ATF6: variants seen among roughly 807,000 people sequenced by gnomAD.
The protein encoded by ATF6 is cyclic AMP-dependent transcription factor ATF-6 alpha.
Under a neutral mutation model 83.6 loss-of-function variants are expected in ATF6, and 53 were observed. That is an observed-to-expected ratio of 0.63 (90% CI 0.51 to 0.80). ATF6 has a LOEUF of 0.80. Ranked by LOEUF, ATF6 falls within the 30% of genes least tolerant of loss-of-function variation. The pLI, the probability that ATF6 is intolerant of heterozygous loss-of-function variation, is 0.00. For synonymous variants in ATF6, 288 were observed against 285.8 expected (o/e 1.01, Z -0.08); for missense variants, 744 against 797.9 (o/e 0.93, Z 0.81).
chr1:161,947,606 A>G (rs1358613256), intron 15 of ATF6, among the ~76,000 whole-genome samples: 1 of 152,154 alleles, frequency 6.6e-6, no homozygotes, highest in African/African-American at 2.4e-5. Flanking sequence ...GTCTATGTCC[A>G]TTTTATAATA....
intron 4 of ATF6, 28 bp from the exon 5 acceptor site, chr1:161,791,380 A>G (rs1189415408): frequency 1.3e-6 from 2 of 1,584,680 alleles, no homozygotes; most frequent in Admixed American, 3.7e-5. Flanking sequence ...GATTATACTC[A>G]TTAATTTTTG....
intron 7 of ATF6, among the ~76,000 whole-genome samples, chr1:161,804,700 GCTTA>G (rs1446339499): frequency 6.6e-6 from 1 of 150,800 alleles, no homozygotes; most frequent in Non-Finnish European, 1.5e-5. Flanking sequence ...CTACTTTTAG[GCTTA>G]CTATCTGAAT....
At position 161,962,420 on chromosome 1, in the gene ATF6, A is replaced by G. The variant is rs1323060503; in HGVS notation, c.*3766A>G. ...TGAGACTGCCGTGGTGGCATTTAGC[A>G]TCGTTAAAACTGGAAAACTCTCAAG... On this transcript the variant is annotated 3_prime_UTR_variant, in exon 16 of 16. Coordinates refer to ENST00000367942, the MANE Select transcript of ATF6 (RefSeq NM_007348.4). 1 of 152,204 alleles carries G rather than the reference A, an allele frequency of 6.6e-6. No individual in the cohort carries two copies. The highest frequency in any genetic ancestry group is 1.5e-5 in the Non-Finnish European group (1 of 68,032). 9.4% of individuals were successfully genotyped at this position (152,204 alleles called of 1,614,324 possible).
chr1:161,793,128 G>A (rs1684923750), intron 6 of ATF6, among the ~76,000 whole-genome samples: 1 of 152,192 alleles, frequency 6.6e-6, no homozygotes, highest in Non-Finnish European at 1.5e-5. Context: ...CATTTGTACT[G>A]TATCTCCAAT....
At chr1:161,815,343 C>T (rs939857008) in intron 7 of ATF6, among the ~76,000 whole-genome samples, 1 of 151,596 alleles carries the variant, frequency 6.6e-6, no homozygotes, top group Non-Finnish European at 1.5e-5. Flanking sequence ...AATTGTGCAC[C>T]ACGATGCCCA....
intron 15 of ATF6, among the ~76,000 whole-genome samples, chr1:161,943,933 G>A (rs1034690166): frequency 2.6e-5 from 4 of 152,282 alleles, no homozygotes; most frequent in Admixed American, 2.0e-4. Context: ...TGTGAGGGTA[G>A]GGCTTTCATC....
At chr1:161,800,448 C>G (rs1685119922) in intron 6 of ATF6, among the ~76,000 whole-genome samples, 1 of 152,138 alleles carries the variant, frequency 6.6e-6, no homozygotes, top group African/African-American at 2.4e-5. Flanking sequence ...TGTTTGGCAC[C>G]ACCATCATTC....
In ATF6 at chr1:161,846,525, T is replaced by C; in HGVS notation, c.1264T>C (p.Ser422Pro). 1 of 1,612,162 alleles carries C rather than the reference T, an allele frequency of 6.2e-7. No homozygotes were observed. Among genetic ancestry groups the C allele is most frequent in the Non-Finnish European group, 8.5e-7 (1 of 1,178,760 alleles). Residue 422 changes from serine (S) to proline (P), a missense_variant, in exon 10 of 16, where the codon TCT becomes CCT. Physicochemically the swap from Ser to Pro is moderately conservative, Grantham distance 74. Transcript: ENST00000367942. ...ANQRRHLLGF[S>P]AKEAQDTSDG... ...TCAAAGGAGGCACCTTCTAGGATTT[T>C]CTGCTAAAGAGGCACAGGACACATC...
In ATF6 at chr1:161,807,768, T is replaced by C. The variant is rs113383616; in HGVS notation, c.909+5496T>C. Among the ~76,000 whole-genome samples the C allele has an allele frequency of 1.9e-3, 296 of 152,150 alleles. 3 individuals are homozygous for C. Among genetic ancestry groups the C allele is most frequent in the African/African-American group, 6.6e-3 (273 of 41,504 alleles). On this transcript the variant is annotated intron_variant, in intron 7 of 15. Coordinates refer to ENST00000367942, the MANE Select transcript of ATF6 (RefSeq NM_007348.4). ...TGAACAGCTTTTTTTTGTTGTTGTTTATTTTTCCTTCCTGATGCATTGCAT... is the reference window on the plus strand; with the variant it reads ...TGAACAGCTTTTTTTTGTTGTTGTTCATTTTTCCTTCCTGATGCATTGCAT...
intron 9 of ATF6, 84 bp downstream of exon 9, chr1:161,821,245 A>G (rs1461538198): frequency 6.4e-6 from 6 of 934,874 alleles, no homozygotes; most frequent in Non-Finnish European, 8.1e-6. Context: ...TAAACTAGAG[A>G]AAAAATGATT....
intron 7 of ATF6, among the ~76,000 whole-genome samples, chr1:161,812,020 A>G (rs1685477763): frequency 6.6e-6 from 1 of 152,216 alleles, no homozygotes; most frequent in Non-Finnish European, 1.5e-5. Context: ...GACATTATTT[A>G]TTCCCATTTT....
At chr1:161,771,111 G>A (rs573290984) in intron 1 of ATF6, among the ~76,000 whole-genome samples, 9 of 152,162 alleles carry the variant, frequency 5.9e-5, no homozygotes, top group East Asian at 1.9e-4. Context: ...CTTATTTGCC[G>A]TCTGTATGTT....
chr1:161,792,482 G>A (rs549333597), intron 6 of ATF6, among the ~76,000 whole-genome samples, 155 bp downstream of exon 6: 120 of 152,300 alleles, frequency 7.9e-4, no homozygotes, highest in Middle Eastern at 6.8e-3. Flanking sequence ...TGACTAATGT[G>A]TGGTTCCTGT....
intron 15 of ATF6, among the ~76,000 whole-genome samples, chr1:161,918,142 A>G (rs1048179852): frequency 2.0e-5 from 3 of 152,192 alleles, no homozygotes; most frequent in South Asian, 2.1e-4. Context: ...GCAGTATAAC[A>G]TAATACAGTC....
At chr1:161,931,273 T>TA (rs1688427532) in intron 15 of ATF6, among the ~76,000 whole-genome samples, 1 of 152,202 alleles carries the variant, frequency 6.6e-6, no homozygotes, top group Non-Finnish European at 1.5e-5. Flanking sequence ...ACACTACTGT[T>TA]AAAAAATTCT....
chr1:161,792,819 GA>G (rs1177131971), intron 6 of ATF6, among the ~76,000 whole-genome samples: 2 of 152,126 alleles, frequency 1.3e-5, no homozygotes, highest in Non-Finnish European at 2.9e-5. Flanking sequence ...AACTAGCTAA[GA>G]ATTTGTGTGT....
chr1:161,801,859 G>A (rs1685156213), intron 6 of ATF6, among the ~76,000 whole-genome samples, 193 bp from the exon 7 acceptor site: 1 of 152,150 alleles, frequency 6.6e-6, no homozygotes, highest in Admixed American at 6.5e-5. Context: ...GATGAATTTA[G>A]TTGGTCACAT....
chr1:161,915,815 G>A (rs1032584859), intron 15 of ATF6, among the ~76,000 whole-genome samples: 15 of 151,990 alleles, frequency 9.9e-5, no homozygotes, highest in African/African-American at 3.4e-4. Flanking sequence ...TAGAGACAGA[G>A]TCTCCCTATG....
intron 14 of ATF6, among the ~76,000 whole-genome samples, chr1:161,869,985 G>A (rs944475619): frequency 3.3e-5 from 5 of 151,072 alleles, no homozygotes; most frequent in Non-Finnish European, 5.9e-5. Context: ...GTAAGCATTA[G>A]AACTAGGGCA....
Sources: gnomAD v4.1 joint callset for allele counts (sites outside exome capture counted in the v4.1 genomes callset) on GRCh38, gnomAD v4.1.1 for gene constraint, MANE v1.5 for transcripts, NCBI Gene and HGNC (gene_info 2026-07-23, HGNC 2026-07-21) for gene names.